Variants in ATP2B1 observed in about 807,000 individuals in gnomAD.
The protein encoded by ATP2B1 is plasma membrane calcium-transporting ATPase 1.
In ATP2B1, 14 loss-of-function variants were observed where a neutral mutation model predicts 124.2. That is an observed-to-expected ratio of 0.11 (90% CI 0.07 to 0.18). The LOEUF is 0.18. Ranked by LOEUF, ATP2B1 falls within the 10% of genes least tolerant of loss-of-function variation. ATP2B1 has a pLI of 1.00. For synonymous variants in ATP2B1, 449 were observed against 492.4 expected, an observed-to-expected ratio of 0.91 and a Z score of 1.17; for missense variants, 763 against 1,466.1, an observed-to-expected ratio of 0.52 and a Z score of 7.83.
chr12:89,702,272 A>G (rs1174965523), intron 1 of ATP2B1, among the ~76,000 whole-genome samples: 3 of 152,260 alleles, frequency 2.0e-5, no homozygotes, highest in Admixed American at 6.5e-5. Context: ...AACACAATTT[A>G]GAAAACACTG....
At chr12:89,661,153 G>A (rs1592902077) in intron 1 of ATP2B1, among the ~76,000 whole-genome samples, 1 of 152,064 alleles carries the variant, frequency 6.6e-6, no homozygotes, top group East Asian at 1.9e-4. Flanking sequence ...AAGTCAATGT[G>A]TACCATCTCA....
rs202198538 is a variant in ATP2B1 at position 89,706,061 on chromosome 12, T to C, written c.-222+2535A>G. ...AAAGAGACAGTGTTCCTTATACTTA[T>C]GATTTGGGAAGGAAGGGAAGGGAAA... On this transcript the variant is annotated intron_variant, in intron 1 of 20. Transcript: ENST00000428670. Among the ~76,000 whole-genome samples the C allele has an allele frequency of 1.4e-4, 22 of 152,300 alleles. No homozygotes were observed. In the East Asian group the frequency reaches 3.1e-3, roughly 21 times the overall value.
At chr12:89,685,673 C>T (rs1166420783) in intron 1 of ATP2B1, among the ~76,000 whole-genome samples, 3 of 152,076 alleles carry the variant, frequency 2.0e-5, no homozygotes, top group Non-Finnish European at 4.4e-5. Flanking sequence ...ACTAAAATTA[C>T]ATTTTAGTGT....
At chr12:89,671,456 G>C (rs1253176326) in intron 1 of ATP2B1, among the ~76,000 whole-genome samples, 1 of 152,214 alleles carries the variant, frequency 6.6e-6, no homozygotes, top group Non-Finnish European at 1.5e-5. Flanking sequence ...CCAGAGTTAA[G>C]AGGAGGACAC....
Position 89,603,749 on chromosome 12 carries a change from G to A in ATP2B1, c.2811C>T (p.Phe937=), listed in dbSNP as rs2135946205. Residue 937 remains phenylalanine (F), a synonymous_variant, in exon 17 of 21, where the codon TTC becomes TTT. Coordinates refer to ENST00000428670, the MANE Select transcript of ATP2B1 (RefSeq NM_001366521.1). The surrounding 1 kb of genome is among the most constrained non-coding windows in gnomAD (Gnocchi z 4.3). ...TMMKNILGHA[F]YQLVVVFTLL... Reference sequence around the variant, plus strand: ...GTGTAAAGACTACTACAAGTTGATAGAATGCATGACCCAAAATATTCTTCA... The same window carrying A: ...GTGTAAAGACTACTACAAGTTGATAAAATGCATGACCCAAAATATTCTTCA... 1 of 1,614,102 alleles carries A rather than the reference G, an allele frequency of 6.2e-7. No homozygotes were observed. The highest frequency in any genetic ancestry group is 2.2e-5 in the East Asian group (1 of 44,872).
intron 1 of ATP2B1, among the ~76,000 whole-genome samples, chr12:89,687,222 T>C (rs1275596811): frequency 6.6e-6 from 1 of 152,118 alleles, no homozygotes; most frequent in African/African-American, 2.4e-5. Context: ...AAGATTATAA[T>C]ACCAATTTTT....
intron 5 of ATP2B1, among the ~76,000 whole-genome samples, chr12:89,634,400 T>C (rs2136189393): frequency 6.6e-6 from 1 of 152,334 alleles, no homozygotes; most frequent in Admixed American, 6.5e-5. Context: ...TAATTTGCTT[T>C]AAACATATAT....
intron 2 of ATP2B1, among the ~76,000 whole-genome samples, chr12:89,650,353 G>A (rs1885081592): frequency 6.6e-6 from 1 of 152,182 alleles, no homozygotes; most frequent in South Asian, 2.1e-4. Context: ...CTGTTCTAAA[G>A]TCAAACTTAC....
chr12:89,693,365 C>A (rs1592995164), intron 1 of ATP2B1, among the ~76,000 whole-genome samples: 1 of 152,136 alleles, frequency 6.6e-6, no homozygotes, highest in South Asian at 2.1e-4. Flanking sequence ...GTATAGAAGG[C>A]TCAGAGTTTA....
At chr12:89,659,401 G>A (rs947129744) in intron 1 of ATP2B1, among the ~76,000 whole-genome samples, 13 of 151,504 alleles carry the variant, frequency 8.6e-5, no homozygotes, top group African/African-American at 2.7e-4. Flanking sequence ...CACACGTAGC[G>A]GAAGACTGGA....
At chr12:89,701,687 C>T (rs1891869133) in intron 1 of ATP2B1, among the ~76,000 whole-genome samples, 1 of 152,152 alleles carries the variant, frequency 6.6e-6, no homozygotes, top group East Asian at 1.9e-4. Flanking sequence ...GACTTTTCCA[C>T]TTCTGAATTT....
chr12:89,655,165 T>C (rs551228924), intron 2 of ATP2B1, among the ~76,000 whole-genome samples: 2 of 152,334 alleles, frequency 1.3e-5, no homozygotes, highest in East Asian at 3.9e-4. Context: ...AAAGGAAATG[T>C]CTGTTAGGTG....
chr12:89,705,342 A>G (rs1892326768), intron 1 of ATP2B1, among the ~76,000 whole-genome samples: 1 of 152,104 alleles, frequency 6.6e-6, no homozygotes, highest in South Asian at 2.1e-4. Context: ...CATCTGGTCA[A>G]TACTCTTGCC....
In ATP2B1 at chr12:89,599,267, T is replaced by C. The variant is rs1451299131; in HGVS notation, c.3201A>G (p.Lys1067=). Residue 1067 remains lysine, a synonymous_variant, in exon 20 of 21, where the codon AAA becomes AAG. Coordinates refer to ENST00000428670, the MANE Select transcript of ATP2B1 (RefSeq NM_001366521.1). ...LISTIPTSRL[K]FLKEAGHGTQ... ...TTCCATGACCAGCTTCTTTGAGGAATTTTAAACGGCTAGTTGGAATTGTTG... is the reference window on the plus strand; with the variant it reads ...TTCCATGACCAGCTTCTTTGAGGAACTTTAAACGGCTAGTTGGAATTGTTG... 1.9e-6 allele frequency: 3 copies of C among 1,614,172 alleles called. No individual in the cohort carries two copies. The highest frequency in any genetic ancestry group is 3.3e-5 in the Admixed American group (2 of 60,018).
At chr12:89,622,159 G>A (rs1024275166) in intron 9 of ATP2B1, among the ~76,000 whole-genome samples, 2 of 151,914 alleles carry the variant, frequency 1.3e-5, no homozygotes, top group Non-Finnish European at 2.9e-5. Context: ...TAAGTACAGT[G>A]GTACTTATAG....
chr12:89,677,835 G>C (rs2136594477), intron 1 of ATP2B1, among the ~76,000 whole-genome samples: 1 of 151,424 alleles, frequency 6.6e-6, no homozygotes. Context: ...AAGCATAAAA[G>C]ACAAGTTTCA....
At chr12:89,694,744 C>T (rs1040832385) in intron 1 of ATP2B1, among the ~76,000 whole-genome samples, 8 of 152,016 alleles carry the variant, frequency 5.3e-5, no homozygotes, top group African/African-American at 1.9e-4. Context: ...TGACAGAAGG[C>T]CAGAGATCAC....
intron 2 of ATP2B1, among the ~76,000 whole-genome samples, chr12:89,652,007 C>T (rs1885315871): frequency 6.6e-6 from 1 of 152,170 alleles, no homozygotes; most frequent in South Asian, 2.1e-4. Context: ...TCTTGGGTTG[C>T]TCCTCCATAC....
intron 1 of ATP2B1, among the ~76,000 whole-genome samples, chr12:89,671,043 A>G (rs1255324943): frequency 6.6e-6 from 1 of 152,004 alleles, no homozygotes. Context: ...ATTAAAATTT[A>G]AAATCATTAT....
Sources: gnomAD v4.1 joint callset for allele counts (sites outside exome capture counted in the v4.1 genomes callset) on GRCh38, gnomAD v4.1.1 for gene constraint, Gnocchi (gnomAD v3.1) non-coding constraint, MANE v1.5 for transcripts, NCBI Gene and HGNC (gene_info 2026-07-23, HGNC 2026-07-21) for gene names.